WWTR1: variants seen among roughly 807,000 people sequenced by gnomAD.
WWTR1 encodes WW domain containing transcription regulator 1.
A neutral mutation model predicts 40.1 loss-of-function variants in WWTR1; 13 were observed. That is an observed-to-expected ratio of 0.32 (90% CI 0.21 to 0.52). The LOEUF is 0.52. Among genes scored for constraint, WWTR1 ranks in the 20% least tolerant of loss-of-function variants. The pLI is 0.97. For missense variants in WWTR1, 436 were observed against 523.1 expected (o/e 0.83, Z 1.63); for synonymous variants, 230 against 210.1 (o/e 1.09, Z -0.82).
intron 1 of WWTR1, among the ~76,000 whole-genome samples, chr3:149,676,109 C>G (rs950698659): frequency 1.3e-5 from 2 of 152,082 alleles, no homozygotes; most frequent in African/African-American, 2.4e-5. Flanking sequence ...CACCTAATAC[C>G]TCCAGGCGGA....
chr3:149,549,255 A>G (rs1736507913), intron 3 of WWTR1, among the ~76,000 whole-genome samples: 1 of 152,182 alleles, frequency 6.6e-6, no homozygotes, highest in African/African-American at 2.4e-5. Flanking sequence ...AAAAACTTGG[A>G]AGATACTACC....
intron 2 of WWTR1, among the ~76,000 whole-genome samples, chr3:149,620,945 A>T (rs1288024084): frequency 1.3e-5 from 2 of 152,226 alleles, no homozygotes; most frequent in African/African-American, 4.8e-5. Context: ...GAATGCAAAC[A>T]AACTACCAGA....
intron 1 of WWTR1, among the ~76,000 whole-genome samples, chr3:149,685,874 AAAAT>A (rs1425268636): frequency 1.3e-5 from 2 of 152,230 alleles, no homozygotes; most frequent in Non-Finnish European, 2.9e-5. Flanking sequence ...ATCATGGGAC[AAAAT>A]CAACTTGGGG....
At chr3:149,641,437 T>C (rs1712163140) in intron 2 of WWTR1, among the ~76,000 whole-genome samples, 1 of 152,214 alleles carries the variant, frequency 6.6e-6, no homozygotes, top group Non-Finnish European at 1.5e-5. Context: ...CACTGGCCCT[T>C]TATTCACACA....
Position 149,519,082 on chromosome 3 carries a change from A to C in WWTR1, c.*1723T>G, listed in dbSNP as rs1449045599. 6.6e-6 allele frequency: 1 copy of C among 152,126 alleles called. No individual in the cohort carries two copies. The highest frequency in any genetic ancestry group is 1.5e-5 in the Non-Finnish European group (1 of 68,028). The allele number at this position is 152,126 out of a possible 1,614,324, so 9.4% of individuals were successfully genotyped here. A position where few individuals can be genotyped will look rare whatever the true frequency, so the allele number is the denominator to read the frequency against. On this transcript the variant is annotated 3_prime_UTR_variant, in exon 7 of 7. Coordinates refer to ENST00000360632, the MANE Select transcript of WWTR1 (RefSeq NM_015472.6). ...AAGTATCCTCTCAGAGACTCAAATT[A>C]TTAAAGTCTTTCAAAAAAGATTAAA...
At chr3:149,709,842 T>G (rs1304827568) in intron 5 of WWTR1, among the ~76,000 whole-genome samples, 1 of 152,040 alleles carries the variant, frequency 6.6e-6, no homozygotes, top group Non-Finnish European at 1.5e-5. Flanking sequence ...AGGCGGAGGT[T>G]GCAGTGAGCT....
intron 1 of WWTR1, among the ~76,000 whole-genome samples, chr3:149,670,074 A>G (rs1307899078): frequency 2.0e-5 from 3 of 152,234 alleles, no homozygotes; most frequent in African/African-American, 7.2e-5. Context: ...CGCGATGGGC[A>G]GCAATGGCTC....
intron 3 of WWTR1, among the ~76,000 whole-genome samples, chr3:149,565,686 C>T (rs1251812344): frequency 6.6e-6 from 1 of 150,920 alleles, no homozygotes. Flanking sequence ...CTGAGGTGGG[C>T]GGATCACCTG....
intron 3 of WWTR1, among the ~76,000 whole-genome samples, chr3:149,551,445 A>C (rs1736615250): frequency 6.8e-6 from 1 of 146,122 alleles, no homozygotes; most frequent in African/African-American, 2.6e-5. Context: ...CCTCCTTGGA[A>C]CAAGTGTTTA....
At chr3:149,680,365 G>A (rs112367650) in intron 1 of WWTR1, among the ~76,000 whole-genome samples, 3,507 of 152,220 alleles carry the variant, frequency 0.023, 126 homozygotes, top group African/African-American at 0.079. Flanking sequence ...CCAACATGGC[G>A]AAACCCTGTC....
Position 149,683,313 on chromosome 3 carries a change from G to A in WWTR1, c.-107-13422C>T, listed in dbSNP as rs527476754. 4.6e-5 allele frequency among the ~76,000 whole-genome samples: 7 copies of A among 152,320 alleles called. No homozygotes were observed. The East Asian group carries it at 1.2e-3, about 25-fold the overall frequency. On this transcript the variant is annotated intron_variant, in intron 1 of 7. Coordinates refer to the WWTR1 transcript ENST00000465804. ...TGTATCCCTATTAGTGAGATTGTTA[G>A]TTTTCATAATGGGTTTACACTTAAA...
intron 2 of WWTR1, among the ~76,000 whole-genome samples, chr3:149,651,677 C>T (rs948249972): frequency 6.6e-6 from 1 of 152,112 alleles, no homozygotes; most frequent in Non-Finnish European, 1.5e-5. Context: ...CAAAAAATCC[C>T]ATTTGACTTT....
At chr3:149,567,630 G>A (rs1442961589) in intron 3 of WWTR1, among the ~76,000 whole-genome samples, 2 of 152,150 alleles carry the variant, frequency 1.3e-5, no homozygotes, top group African/African-American at 2.4e-5. Flanking sequence ...CCAGAAAGGG[G>A]AGGAAAAATG....
At position 149,632,930 on chromosome 3, in the gene WWTR1, A is replaced by G. The variant is rs775775085; in HGVS notation, c.431+23946T>C. Among the ~76,000 whole-genome samples the G allele has an allele frequency of 1.2e-4, 18 of 152,216 alleles. 1 individual carries two copies. The highest frequency in any genetic ancestry group is 2.4e-4 in the Non-Finnish European group (16 of 68,028). ...GAATGTGGAGGAGAGGGGCATGGCT[A>G]ATAGCTATCTAGTTAGTTGGGGCTT... is the stretch of plus-strand genomic sequence containing the variant. On this transcript the variant is annotated intron_variant, in intron 2 of 6. Coordinates refer to ENST00000360632, the MANE Select transcript of WWTR1 (RefSeq NM_015472.6).
At chr3:149,551,637 G>A (rs1736623207) in intron 3 of WWTR1, among the ~76,000 whole-genome samples, 1 of 145,542 alleles carries the variant, frequency 6.9e-6, no homozygotes, top group South Asian at 2.2e-4. Flanking sequence ...TGGTTTGCCT[G>A]GGACTGAGGG....
intron 3 of WWTR1, among the ~76,000 whole-genome samples, chr3:149,567,221 G>C (rs1026158131): frequency 3.9e-5 from 6 of 151,944 alleles, no homozygotes; most frequent in African/African-American, 1.5e-4. Flanking sequence ...AAAAAAGCAT[G>C]ACACTTTCTT....
rs540811645 is a variant in WWTR1 at position 149,600,917 on chromosome 3, C to A, written c.432-27917G>T. Among the ~76,000 whole-genome samples the A allele has an allele frequency of 3.3e-5, 5 of 152,288 alleles. No homozygotes were observed. In the East Asian group the frequency reaches 9.7e-4, roughly 29 times the overall value. ...TTGCCTGGCTGACAGTCAACACCAACTTGCTAGTCATGTGGGTGAGCCCCC... is the reference window on the plus strand; with the variant it reads ...TTGCCTGGCTGACAGTCAACACCAAATTGCTAGTCATGTGGGTGAGCCCCC... On this transcript the variant is annotated intron_variant, in intron 2 of 6. Coordinates refer to ENST00000360632, the MANE Select transcript of WWTR1 (RefSeq NM_015472.6).
chr3:149,577,343 T>C lies in WWTR1; in HGVS notation c.432-4343A>G, dbSNP rs142240273. Among the ~76,000 whole-genome samples, 1,153 of 152,232 alleles carry C rather than the reference T, an allele frequency of 7.6e-3. 7 individuals carry two copies. The highest frequency in any genetic ancestry group is 9.5e-3 in the Non-Finnish European group (646 of 68,006). On this transcript the variant is annotated intron_variant, in intron 2 of 6. Coordinates refer to ENST00000360632, the MANE Select transcript of WWTR1 (RefSeq NM_015472.6). ...GCTTTTCTTGACAGTAAACATTTTT[T>C]TCCTCGACTTAAAAAAAAGAAAAAT...
chr3:149,606,049 G>C (rs1739466249), intron 2 of WWTR1, among the ~76,000 whole-genome samples: 2 of 152,172 alleles, frequency 1.3e-5, no homozygotes, highest in South Asian at 4.1e-4. Context: ...AGGCCAGAGA[G>C]AGCTTGTTTA....
Sources: gnomAD v4.1 joint callset for allele counts (sites outside exome capture counted in the v4.1 genomes callset) on GRCh38, gnomAD v4.1.1 for gene constraint, MANE v1.5 for transcripts, NCBI Gene and HGNC (gene_info 2026-07-23, HGNC 2026-07-21) for gene names.